Variants in AMD1 observed in about 807,000 individuals in gnomAD.
The protein encoded by AMD1 is adenosylmethionine decarboxylase 1, also known as S-adenosylmethionine decarboxylase proenzyme.
A neutral mutation model predicts 40.2 loss-of-function variants in AMD1; 11 were observed. That is an observed-to-expected ratio of 0.27 (90% confidence interval 0.17 to 0.45). The LOEUF is 0.45. AMD1 is among the 20% of genes least tolerant of loss of function. AMD1 has a pLI of 1.00. For missense variants in AMD1, 257 were observed against 410.2 expected, an observed-to-expected ratio of 0.63 and a Z score of 3.23; for synonymous variants, 121 against 130.8, an observed-to-expected ratio of 0.93 and a Z score of 0.51.
the AMD1 span, among the ~76,000 whole-genome samples, chr6:110,855,065 C>CTTTTTCTTTTTTTTTTT: frequency 1.2e-5 from 1 of 80,446 alleles, no homozygotes; most frequent in Non-Finnish European, 2.3e-5. Context: ...CTCTCTCTCT[C>CTTTTTCTTTTTTTTTTT]TTTTTTTTTT....
chr6:110,850,262 A>T, the AMD1 span, among the ~76,000 whole-genome samples: 2 of 152,184 alleles, frequency 1.3e-5, no homozygotes, highest in African/African-American at 2.4e-5. Context: ...ATACAACTTC[A>T]TCAAGTCTTT....
the AMD1 span, among the ~76,000 whole-genome samples, chr6:110,857,671 G>A: frequency 7.7e-6 from 1 of 130,568 alleles, no homozygotes; most frequent in Non-Finnish European, 1.6e-5. Context: ...TATATATACA[G>A]ATGGCATATA....
At chr6:110,815,834 T>A in the AMD1 span, 1 of 152,434 alleles carries the variant, frequency 6.6e-6, no homozygotes, top group South Asian at 2.1e-4. Context: ...CTGCAGTGAC[T>A]CGGGAGGCGA....
intron 1 of AMD1, among the ~76,000 whole-genome samples, chr6:110,878,500 T>C (rs1471225379): frequency 2.6e-5 from 4 of 152,186 alleles, no homozygotes; most frequent in African/African-American, 9.6e-5. Flanking sequence ...TAAACAATAC[T>C]GTTGGAGAAA....
the AMD1 span, among the ~76,000 whole-genome samples, chr6:110,825,436 T>A: frequency 2.0e-5 from 3 of 152,224 alleles, no homozygotes; most frequent in Non-Finnish European, 2.9e-5. Context: ...TAAATCTTAC[T>A]TTGTATATGT....
intron 1 of AMD1, among the ~76,000 whole-genome samples, chr6:110,881,510 A>G (rs532085201): frequency 1.3e-5 from 2 of 152,332 alleles, no homozygotes; most frequent in South Asian, 2.1e-4. Flanking sequence ...ATAACCACCT[A>G]AGAATTGTGT....
At chr6:110,815,135 A>C in the AMD1 span, 1 of 1,590,922 alleles carries the variant, frequency 6.3e-7, no homozygotes, top group African/African-American at 1.4e-5. Context: ...ATCATAATCC[A>C]TTGTCTGCTT....
the AMD1 span, among the ~76,000 whole-genome samples, chr6:110,866,717 G>A: frequency 6.6e-6 from 1 of 152,044 alleles, no homozygotes; most frequent in Non-Finnish European, 1.5e-5. Flanking sequence ...TTTTCAGAGG[G>A]TGGGGGAAGG....
At chr6:110,825,131 A>G in the AMD1 span, among the ~76,000 whole-genome samples, 1 of 152,240 alleles carries the variant, frequency 6.6e-6, no homozygotes, top group African/African-American at 2.4e-5. Flanking sequence ...CTATACATGC[A>G]TACCTATGAT....
chr6:110,881,110 T>C (rs1200266929), intron 1 of AMD1, among the ~76,000 whole-genome samples: 2 of 152,246 alleles, frequency 1.3e-5, no homozygotes, highest in Non-Finnish European at 1.5e-5. Flanking sequence ...TGTGCTGTTA[T>C]TAATATAGAA....
upstream of AMD1, among the ~76,000 whole-genome samples, chr6:110,870,750 C>T (rs945722753): frequency 1.4e-4 from 22 of 152,104 alleles, no homozygotes; most frequent in Non-Finnish European, 1.6e-4. Flanking sequence ...ACAGATTAAG[C>T]CAGCTTCAAT....
At chr6:110,881,985 A>G (rs1285581579) in intron 1 of AMD1, among the ~76,000 whole-genome samples, 1 of 152,206 alleles carries the variant, frequency 6.6e-6, no homozygotes, top group African/African-American at 2.4e-5. Context: ...TTGACTCTTT[A>G]AATAGCAAGG....
At chr6:110,842,440 C>G in the AMD1 span, among the ~76,000 whole-genome samples, 3 of 152,172 alleles carry the variant, frequency 2.0e-5, no homozygotes, top group African/African-American at 7.2e-5. Context: ...TCCTATAACA[C>G]AACCCTCTGC....
At chr6:110,859,450 G>A in the AMD1 span, among the ~76,000 whole-genome samples, 1 of 152,154 alleles carries the variant, frequency 6.6e-6, no homozygotes, top group African/African-American at 2.4e-5. Flanking sequence ...GGGCTTGGAG[G>A]GACCCAGTCC....
At chr6:110,838,063 C>CAAA in the AMD1 span, among the ~76,000 whole-genome samples, 409 of 61,162 alleles carry the variant, frequency 6.7e-3, 5 homozygotes, top group African/African-American at 0.023. Context: ...GACTCCGTCT[C>CAAA]AAAAAAAAAA....
rs1369364986 is a variant in AMD1 at position 110,893,557 on chromosome 6, A to G, written c.946A>G (p.Asn316Asp). 6.2e-7 allele frequency: 1 copy of G among 1,614,072 alleles called. No individual in the cohort carries two copies. Residue 316 changes from asparagine (N) to aspartate (D), a missense_variant, in exon 9 of 9, where the codon AAT becomes GAT. Coordinates refer to ENST00000368885, the MANE Select transcript of AMD1 (RefSeq NM_001634.6). ...TCTTGATTGCCAGAGTGCTATGTTCAATGATTACAATTTTGTTTTTACCAG... is the reference window on the plus strand; with the variant it reads ...TCTTGATTGCCAGAGTGCTATGTTCGATGATTACAATTTTGTTTTTACCAG... Reference protein sequence around the residue: ...KRLDCQSAMFNDYNFVFTSFA... With the variant: ...KRLDCQSAMFDDYNFVFTSFA...
the AMD1 span, among the ~76,000 whole-genome samples, chr6:110,857,730 GTA>G: frequency 8.4e-4 from 114 of 135,692 alleles, 1 homozygote; most frequent in East Asian, 2.2e-3. Context: ...TAGATGGTGT[GTA>G]TATATATATA....
the AMD1 span, among the ~76,000 whole-genome samples, chr6:110,827,054 C>T: frequency 1.3e-5 from 2 of 152,056 alleles, no homozygotes; most frequent in Non-Finnish European, 2.9e-5. Flanking sequence ...CTCACTAGTC[C>T]AGCATAACCT....
At chr6:110,831,885 C>G in the AMD1 span, among the ~76,000 whole-genome samples, 1 of 151,884 alleles carries the variant, frequency 6.6e-6, no homozygotes. Flanking sequence ...AGTTTGTCAC[C>G]CAGGCTGAAG....
Sources: gnomAD v4.1 joint callset for allele counts (sites outside exome capture counted in the v4.1 genomes callset) on GRCh38, gnomAD v4.1.1 for gene constraint, MANE v1.5 for transcripts, NCBI Gene and HGNC (gene_info 2026-07-23, HGNC 2026-07-21) for gene names.